Variants in TENM1 observed in about 807,000 individuals in gnomAD.
TENM1 encodes teneurin transmembrane protein 1, also known as teneurin-1.
A neutral mutation model predicts 174.8 loss-of-function variants in TENM1; 35 were observed. That is an observed-to-expected ratio of 0.20 (90% CI 0.15 to 0.27). TENM1 has a LOEUF of 0.27. Among genes scored for constraint, TENM1 ranks in the 10% least tolerant of loss-of-function variants. TENM1 has a pLI of 1.00. For synonymous variants in TENM1, 781 were observed against 798.7 expected, an observed-to-expected ratio of 0.98 and a Z score of 0.37; for missense variants, 1,633 against 2,130.1, an observed-to-expected ratio of 0.77 and a Z score of 4.59.
At chrX:124,767,662 G>T (rs1168908732) in intron 3 of TENM1, among the ~76,000 whole-genome samples, 1 of 110,715 alleles carries the variant, frequency 9.0e-6, no homozygotes. Context: ...TTATTCTGTG[G>T]TTCATACAAT....
At chrX:124,670,746 T>C (rs1446783536) in intron 6 of TENM1, among the ~76,000 whole-genome samples, 4 of 111,175 alleles carry the variant, frequency 3.6e-5, no homozygotes, top group Non-Finnish European at 7.5e-5. Context: ...GGAAGAGTAG[T>C]AACCCAAATA....
the TENM1 span, among the ~76,000 whole-genome samples, chrX:124,984,171 T>C: frequency 8.9e-6 from 1 of 112,043 alleles, no homozygotes; most frequent in Non-Finnish European, 1.9e-5. Flanking sequence ...TCTTCAGAAT[T>C]ATCAGTGGCT....
At position 124,796,834 on chromosome X, in the gene TENM1, G is replaced by C. The variant is rs191049048; in HGVS notation, c.536-59637C>G. ...AATTGGCCTCTTTATGAAAAAAAGA[G>C]ACATTTTCCTAGATTGTGAATGATA... On this transcript the variant is annotated intron_variant, in intron 3 of 31. Transcript: ENST00000422452. 9.6e-3 allele frequency among the ~76,000 whole-genome samples: 1,071 copies of C among 111,382 alleles called. 7 individuals are homozygous for C. Among genetic ancestry groups the C allele is most frequent in the Non-Finnish European group, 0.016 (823 of 52,922 alleles).
Position 124,459,537 on chromosome X carries a change from A to G in TENM1, c.3950-6046T>C, listed in dbSNP as rs1333025649. 7.2e-5 allele frequency among the ~76,000 whole-genome samples: 8 copies of G among 111,640 alleles called. No individual in the cohort carries two copies. The East Asian group carries it at 2.0e-3, about 28-fold the overall frequency. Reference sequence around the variant, plus strand: ...ATGGTGCTACAATAACTGGCTAGCCATATGCAGAAGACTGGAACTGGACCC... The same window carrying G: ...ATGGTGCTACAATAACTGGCTAGCCGTATGCAGAAGACTGGAACTGGACCC... On this transcript the variant is annotated intron_variant, in intron 22 of 31. Transcript: ENST00000422452.
At chrX:125,156,443 C>T in the TENM1 span, among the ~76,000 whole-genome samples, 23,068 of 111,131 alleles carry the variant, frequency 0.21, 4,682 homozygotes, top group African/African-American at 0.62. Context: ...TTGGTGTCTG[C>T]TGTTCTCCTC....
At chrX:124,840,314 T>G (rs996173962) in intron 3 of TENM1, among the ~76,000 whole-genome samples, 3 of 111,714 alleles carry the variant, frequency 2.7e-5, no homozygotes, top group Non-Finnish European at 5.6e-5. Flanking sequence ...ATCTGCTTCA[T>G]AATGAAAATT....
intron 4 of TENM1, among the ~76,000 whole-genome samples, chrX:124,719,703 C>G (rs1382415516): frequency 1.8e-5 from 2 of 111,497 alleles, no homozygotes; most frequent in Admixed American, 9.5e-5. Flanking sequence ...AGGGACAGCA[C>G]AGAGAGATAA....
chrX:124,649,129 G>A (rs762302319), intron 8 of TENM1, among the ~76,000 whole-genome samples: 7 of 112,241 alleles, frequency 6.2e-5, no homozygotes, highest in African/African-American at 2.3e-4. Context: ...TTGGCCTCCA[G>A]TAATCTTTGA....
chrX:124,485,013 A>G (rs768268054), intron 21 of TENM1, among the ~76,000 whole-genome samples: 17 of 111,341 alleles, frequency 1.5e-4, no homozygotes, highest in Non-Finnish European at 2.8e-4. Context: ...AAAAGAGTTC[A>G]GGCCTTGCTA....
chrX:124,877,680 G>C (rs2057230019), intron 3 of TENM1, among the ~76,000 whole-genome samples: 1 of 111,171 alleles, frequency 9.0e-6, no homozygotes, highest in African/African-American at 3.3e-5. Context: ...TCTTGGAACT[G>C]ATTTATTTAT....
intron 1 of TENM1, among the ~76,000 whole-genome samples, chrX:124,909,270 C>G (rs905050657): frequency 6.2e-5 from 7 of 112,304 alleles, no homozygotes; most frequent in Admixed American, 2.8e-4. Context: ...CATTTTAACA[C>G]CATCCTAATG....
chrX:125,060,506 A>G, the TENM1 span, among the ~76,000 whole-genome samples: 20,764 of 110,861 alleles, frequency 0.19, 1,485 homozygotes, highest in Admixed American at 0.33. Context: ...CACTTGAGAC[A>G]TAAGATAAAA....
Position 124,955,799 on chromosome X carries a change from A to G in TENM1, c.217+7738T>C, listed in dbSNP as rs758271104. On this transcript the variant is annotated intron_variant, in intron 1 of 31. Coordinates refer to ENST00000422452, the Ensembl canonical transcript of TENM1. ...AAACAGATACAACACACGCGCACGC[A>G]CACACACACACACACACACACACAC... Among the ~76,000 whole-genome samples, 127 of 86,776 alleles carry G rather than the reference A, an allele frequency of 1.5e-3. 1 individual carries two copies. The highest frequency in any genetic ancestry group is 4.1e-3 in the African/African-American group (57 of 13,804). The allele number at this position is 86,776 out of a possible 115,157, so 75.4% of individuals were successfully genotyped here. A position where few individuals can be genotyped will look rare whatever the true frequency, so the allele number is the denominator to read the frequency against.
chrX:124,882,940 T>C (rs1043425343), intron 3 of TENM1, among the ~76,000 whole-genome samples: 1 of 112,147 alleles, frequency 8.9e-6, no homozygotes, highest in South Asian at 3.7e-4. Flanking sequence ...GCAGTGTTTT[T>C]AATTCTCATT....
the TENM1 span, among the ~76,000 whole-genome samples, chrX:124,971,684 G>A: frequency 2.7e-5 from 3 of 111,910 alleles, no homozygotes; most frequent in African/African-American, 9.8e-5. Context: ...TGTGGATTTA[G>A]GGGATTGTAA....
the TENM1 span, among the ~76,000 whole-genome samples, chrX:125,182,904 T>C: frequency 1.8e-5 from 2 of 112,154 alleles, no homozygotes; most frequent in African/African-American, 6.5e-5. Flanking sequence ...GGGAAAAAGC[T>C]GAACATACAC....
chrX:124,825,587 T>C (rs947890547), intron 3 of TENM1, among the ~76,000 whole-genome samples: 6 of 112,183 alleles, frequency 5.3e-5, no homozygotes, highest in Non-Finnish European at 9.4e-5. Flanking sequence ...ATATCCATGA[T>C]TGAAAATAAA....
At chrX:125,044,159 T>TATA in the TENM1 span, among the ~76,000 whole-genome samples, 1 of 47,135 alleles carries the variant, frequency 2.1e-5, no homozygotes, top group Admixed American at 2.6e-4. Context: ...AAACTTAAAG[T>TATA]ATAATAATAA....
At chrX:125,125,020 GC>G in the TENM1 span, among the ~76,000 whole-genome samples, 12 of 112,165 alleles carry the variant, frequency 1.1e-4, no homozygotes, top group Admixed American at 1.1e-3. Flanking sequence ...GTTAATGATG[GC>G]CTGTACAATT....
Sources: allele counts gnomAD v4.1 joint callset (sites outside exome capture counted in the v4.1 genomes callset), GRCh38; gene constraint gnomAD v4.1.1; transcripts MANE v1.5; gene names NCBI Gene and HGNC (gene_info 2026-07-23, HGNC 2026-07-21).